FNDC3B: variants seen among roughly 807,000 people sequenced by gnomAD.
The protein encoded by FNDC3B is fibronectin type III domain-containing protein 3B.
A neutral mutation model predicts 151.5 loss-of-function variants in FNDC3B; 12 were observed. The ratio of observed to expected loss-of-function variants is 0.08; its 90% CI spans 0.05 to 0.13. The LOEUF is 0.13. FNDC3B is among the 10% of genes least tolerant of loss of function. The pLI, the probability that FNDC3B is intolerant of heterozygous loss-of-function variation, is 1.00. For synonymous variants in FNDC3B, 528 were observed against 549.0 expected, an observed-to-expected ratio of 0.96 and a Z score of 0.54; for missense variants, 1,214 against 1,505.3, an observed-to-expected ratio of 0.81 and a Z score of 3.20.
At chr3:172,134,360 G>C (rs1227584625) in intron 3 of FNDC3B, 4 of 518,300 alleles carry the variant, frequency 7.7e-6, no homozygotes, top group Admixed American at 3.9e-5. Flanking sequence ...AAACACTGTA[G>C]TGTTAAAAGG....
chr3:172,378,438 T>C lies in FNDC3B; in HGVS notation c.3175+2T>C. ...AAAGTGTCCCCCCCACCATCAAAGG[T>C]GTGTAGACTATGTATTCTTTCTCGC... On this transcript the variant is annotated splice_donor_variant, in intron 24 of 25. Transcript: ENST00000415807. LOFTEE classifies it high-confidence loss of function. 1 of 1,602,408 alleles carries C rather than the reference T, an allele frequency of 6.2e-7. No individual in the cohort carries two copies. Among genetic ancestry groups the C allele is most frequent in the Non-Finnish European group, 8.5e-7 (1 of 1,175,830 alleles).
chr3:172,234,507 C>T (rs920913596), intron 4 of FNDC3B, among the ~76,000 whole-genome samples: 49 of 152,180 alleles, frequency 3.2e-4, no homozygotes, highest in African/African-American at 1.1e-3. Context: ...GATTATTCTC[C>T]TCTGTTCATA....
At chr3:172,276,690 C>T (rs970030053) in intron 6 of FNDC3B, among the ~76,000 whole-genome samples, 24 of 152,124 alleles carry the variant, frequency 1.6e-4, no homozygotes, top group African/African-American at 2.4e-4. Flanking sequence ...TCATGTCATA[C>T]GATGGGAAGT....
intron 1 of FNDC3B, among the ~76,000 whole-genome samples, chr3:172,110,773 C>T (rs928414809): frequency 1.3e-5 from 2 of 151,982 alleles, no homozygotes; most frequent in Non-Finnish European, 1.5e-5. Context: ...ACTCAGACCC[C>T]CTAATGTAAA....
At chr3:172,213,566 G>T (rs1198736590) in intron 3 of FNDC3B, among the ~76,000 whole-genome samples, 1 of 152,154 alleles carries the variant, frequency 6.6e-6, no homozygotes, top group East Asian at 1.9e-4. Flanking sequence ...TATATATCAT[G>T]CATATCATTT....
In FNDC3B at chr3:172,129,514, C is replaced by T. The variant is rs1452229634; in HGVS notation, c.112-3957C>T. 7.9e-5 allele frequency among the ~76,000 whole-genome samples: 12 copies of T among 152,326 alleles called. No individual in the cohort carries two copies. The South Asian group carries it at 2.3e-3, about 29-fold the overall frequency. ...CTGTAAAGGAAAGATATTACACCTT[C>T]TTTCAGTTCTCCTGTTAGACAAAGA... On this transcript the variant is annotated intron_variant, in intron 2 of 25. Transcript: ENST00000415807.
intron 3 of FNDC3B, among the ~76,000 whole-genome samples, chr3:172,135,868 A>G (rs1051425610): frequency 6.6e-6 from 1 of 152,228 alleles, no homozygotes; most frequent in Admixed American, 6.5e-5. Flanking sequence ...GTTGGGTAGA[A>G]TATAGCAACA....
At chr3:172,122,480 A>G (rs1700819076) in intron 2 of FNDC3B, among the ~76,000 whole-genome samples, 1 of 152,246 alleles carries the variant, frequency 6.6e-6, no homozygotes, top group Non-Finnish European at 1.5e-5. Flanking sequence ...CTTTAATGTT[A>G]CAATAACTTG....
chr3:172,281,400 A>C (rs1236905290), intron 6 of FNDC3B, among the ~76,000 whole-genome samples: 3 of 152,098 alleles, frequency 2.0e-5, no homozygotes, highest in Non-Finnish European at 2.9e-5. Context: ...GTGCGCCACC[A>C]CGCCCGGCTA....
At chr3:172,248,474 T>G (rs555257819) in intron 5 of FNDC3B, among the ~76,000 whole-genome samples, 1 of 152,248 alleles carries the variant, frequency 6.6e-6, no homozygotes, top group South Asian at 2.1e-4. Context: ...GCTTTCTCTA[T>G]CAAAATGGAT....
chr3:172,151,458 T>TC (rs971724835), intron 3 of FNDC3B, among the ~76,000 whole-genome samples: 5 of 152,146 alleles, frequency 3.3e-5, no homozygotes, highest in African/African-American at 1.2e-4. Flanking sequence ...CACTCCCCAC[T>TC]CCCCCAACCT....
At chr3:172,133,808 A>C (rs1721230111) in intron 3 of FNDC3B, among the ~76,000 whole-genome samples, 1 of 152,188 alleles carries the variant, frequency 6.6e-6, no homozygotes, top group South Asian at 2.1e-4. Flanking sequence ...TTGGTGGCTT[A>C]TAACAACATT....
chr3:172,092,214 G>A (rs1718871344), intron 1 of FNDC3B, among the ~76,000 whole-genome samples: 2 of 152,094 alleles, frequency 1.3e-5, no homozygotes, highest in Admixed American at 6.5e-5. Flanking sequence ...CAAAAGCTCT[G>A]TATGGACTCC....
intron 23 of FNDC3B, among the ~76,000 whole-genome samples, chr3:172,368,696 T>G (rs1734746523): frequency 6.6e-6 from 1 of 152,150 alleles, no homozygotes; most frequent in East Asian, 1.9e-4. Flanking sequence ...AGTCCTTAAT[T>G]GTTGGGGAAA....
At chr3:172,092,689 C>T (rs890973713) in intron 1 of FNDC3B, among the ~76,000 whole-genome samples, 1 of 152,190 alleles carries the variant, frequency 6.6e-6, no homozygotes, top group Non-Finnish European at 1.5e-5. Context: ...TGTGGGTGTC[C>T]TGGAAAAGAG....
chr3:172,214,536 A>G (rs1253554797), intron 3 of FNDC3B, among the ~76,000 whole-genome samples: 1 of 32,192 alleles, frequency 3.1e-5, no homozygotes, highest in Non-Finnish European at 7.4e-5. Context: ...TAGATAAGCT[A>G]TGACTCTGTT....
intron 19 of FNDC3B, 46 bp from the exon 20 acceptor site, chr3:172,346,281 A>C (rs1303219341): frequency 8.9e-7 from 1 of 1,119,372 alleles, no homozygotes; most frequent in Non-Finnish European, 1.3e-6. Context: ...TCACAAACAC[A>C]TACACGCATA....
intron 13 of FNDC3B, 68 bp from the exon 14 acceptor site, chr3:172,333,008 AGTATAAAAATCCT>A (rs1344605634): frequency 2.3e-6 from 2 of 863,832 alleles, no homozygotes; most frequent in African/African-American, 3.3e-5. Flanking sequence ...AGGGAAAGGC[AGTATAAAAATCCT>A]GTATTCAAAG....
intron 3 of FNDC3B, among the ~76,000 whole-genome samples, chr3:172,193,260 TCTC>T (rs1724643158): frequency 5.8e-4 from 1 of 1,734 alleles, no homozygotes; most frequent in Non-Finnish European, 1.5e-3. Flanking sequence ...CTCCTCCCCC[TCTC>T]CCTCTACCTT....
Sources: allele counts gnomAD v4.1 joint callset (sites outside exome capture counted in the v4.1 genomes callset), GRCh38; gene constraint gnomAD v4.1.1; transcripts MANE v1.5; gene names NCBI Gene and HGNC (gene_info 2026-07-23, HGNC 2026-07-21).